The following RBMS3 variants were observed in gnomAD, a reference collection of about 807,000 sequenced individuals.
RBMS3 encodes RNA-binding motif, single-stranded-interacting protein 3.
RBMS3 carries 27 observed loss-of-function variants against 66.8 expected under a neutral mutation model. That is an observed-to-expected ratio of 0.40 (90% CI 0.30 to 0.56). The LOEUF (loss-of-function observed/expected upper bound fraction) is 0.56. Among genes scored for constraint, RBMS3 ranks in the 20% least tolerant of loss-of-function variants. RBMS3 has a pLI of 0.40. For missense variants in RBMS3, 513 were observed against 549.5 expected (o/e 0.93, Z 0.66); for synonymous variants, 188 against 183.0 (o/e 1.03, Z -0.22).
At chr3:29,632,173 A>G (rs1200707925) in intron 4 of RBMS3, among the ~76,000 whole-genome samples, 7 of 151,954 alleles carry the variant, frequency 4.6e-5, no homozygotes, top group Admixed American at 3.9e-4. Context: ...GAAAAATACT[A>G]TATTAACTAA....
At chr3:29,922,554 TAATG>T (rs752212548) in intron 10 of RBMS3, among the ~76,000 whole-genome samples, 11 of 151,070 alleles carry the variant, frequency 7.3e-5, no homozygotes, top group Non-Finnish European at 1.3e-4. Flanking sequence ...ATGGATGAAT[TAATG>T]AATATTCTTT....
intron 1 of RBMS3, among the ~76,000 whole-genome samples, chr3:29,370,860 T>C (rs985931523): frequency 6.6e-6 from 1 of 152,208 alleles, no homozygotes; most frequent in African/African-American, 2.4e-5. Context: ...GAATGCTGTT[T>C]ACTGATGTCT....
At chr3:29,876,390 G>C (rs2059612217) in intron 7 of RBMS3, among the ~76,000 whole-genome samples, 1 of 151,952 alleles carries the variant, frequency 6.6e-6, no homozygotes, top group Non-Finnish European at 1.5e-5. Context: ...GAAAAAAAAA[G>C]CTTCAAAATA....
intron 1 of RBMS3, among the ~76,000 whole-genome samples, chr3:29,408,011 G>A (rs1035719030): frequency 6.6e-6 from 1 of 152,070 alleles, no homozygotes; most frequent in Non-Finnish European, 1.5e-5. Context: ...GGTGACTCAC[G>A]CCTGTAATCC....
intron 3 of RBMS3, among the ~76,000 whole-genome samples, chr3:29,503,071 T>C (rs1229863263): frequency 1.3e-5 from 2 of 152,152 alleles, no homozygotes; most frequent in African/African-American, 4.8e-5. Flanking sequence ...TTGTGGAGAA[T>C]GTTTGGGGGT....
rs1699798431 is a variant in RBMS3 at position 30,006,224 on chromosome 3, A to C, written c.*2362A>C. ...CAGGGTAGGCTTTTTAAAAACTAAAAAGTTTTAAAGGTAAATCATATTCCC... is the reference window on the plus strand; with the variant it reads ...CAGGGTAGGCTTTTTAAAAACTAAACAGTTTTAAAGGTAAATCATATTCCC... On this transcript the variant is annotated 3_prime_UTR_variant, in exon 15 of 15. Coordinates refer to ENST00000383767, the MANE Select transcript of RBMS3 (RefSeq NM_001003793.3). 6.6e-6 allele frequency: 1 copy of C among 151,908 alleles called. No homozygotes were observed. Among genetic ancestry groups the C allele is most frequent in the African/African-American group, 2.4e-5 (1 of 41,416 alleles). The allele number at this position is 151,908 out of a possible 1,614,324, so 9.4% of individuals were successfully genotyped here.
chr3:29,780,048 T>C (rs2056573450), intron 6 of RBMS3, among the ~76,000 whole-genome samples: 1 of 151,838 alleles, frequency 6.6e-6, no homozygotes, highest in Non-Finnish European at 1.5e-5. Flanking sequence ...TGGAGAAGCA[T>C]CCATTTTTAC....
rs1575569181 is a variant in RBMS3 at position 29,336,727 on chromosome 3, A to G, written c.75+54971A>G. ...ATATTATTAGTCATTCTATAATGAAAAAACTGAAGCTTGCAAAGTTGAGCA... is the reference window on the plus strand; with the variant it reads ...ATATTATTAGTCATTCTATAATGAAGAAACTGAAGCTTGCAAAGTTGAGCA... On this transcript the variant is annotated intron_variant, in intron 1 of 14. Coordinates refer to ENST00000383767, the MANE Select transcript of RBMS3 (RefSeq NM_001003793.3). Among the ~76,000 whole-genome samples, 3 of 152,156 alleles carry G rather than the reference A, an allele frequency of 2.0e-5. No individual in the cohort carries two copies. In the East Asian group the frequency reaches 5.8e-4, roughly 29 times the overall value.
At chr3:29,582,130 A>G (rs75023277) in intron 3 of RBMS3, among the ~76,000 whole-genome samples, 1 of 151,372 alleles carries the variant, frequency 6.6e-6, no homozygotes, top group Non-Finnish European at 1.5e-5. Flanking sequence ...GGACACTACT[A>G]TTCTTTGTAG....
chr3:29,698,073 A>G (rs2052363063), intron 4 of RBMS3: 1 of 373,220 alleles, frequency 2.7e-6, no homozygotes, highest in Non-Finnish European at 3.7e-6. Context: ...GCAACACAAA[A>G]ATCTTCATAC....
chr3:29,428,797 C>A (rs1180577630), intron 1 of RBMS3, among the ~76,000 whole-genome samples: 2 of 152,160 alleles, frequency 1.3e-5, no homozygotes, highest in Non-Finnish European at 2.9e-5. Flanking sequence ...GACAAATGAA[C>A]CCACTTGTTT....
chr3:29,776,077 A>G (rs749071293), intron 6 of RBMS3, among the ~76,000 whole-genome samples: 94 of 152,010 alleles, frequency 6.2e-4, no homozygotes, highest in Non-Finnish European at 1.1e-3. Flanking sequence ...TGCTTACATC[A>G]TTTAACAGCC....
At chr3:29,737,033 G>C (rs1022526479) in intron 4 of RBMS3, among the ~76,000 whole-genome samples, 33 of 151,950 alleles carry the variant, frequency 2.2e-4, no homozygotes, top group Admixed American at 9.2e-4. Context: ...CTGGAGTGCA[G>C]TGGCATGATC....
chr3:29,788,086 A>T (rs2056881946), intron 6 of RBMS3, among the ~76,000 whole-genome samples: 1 of 152,120 alleles, frequency 6.6e-6, no homozygotes, highest in South Asian at 2.1e-4. Flanking sequence ...CCCTGTGTCC[A>T]GAGGCTGCTC....
intron 11 of RBMS3, among the ~76,000 whole-genome samples, chr3:29,937,279 A>G (rs114112079): frequency 1.2e-4 from 18 of 152,100 alleles, no homozygotes; most frequent in African/African-American, 4.1e-4. Flanking sequence ...CTGTATTTTT[A>G]AGCCTATATG....
chr3:29,290,631 A>C (rs543694193), intron 1 of RBMS3: 5 of 151,842 alleles, frequency 3.3e-5, no homozygotes, highest in African/African-American at 1.2e-4. Context: ...CCTTTTCTCA[A>C]TGTATTTCAA....
intron 3 of RBMS3, among the ~76,000 whole-genome samples, chr3:29,499,202 TA>T (rs2043872022): frequency 6.6e-6 from 1 of 152,202 alleles, no homozygotes; most frequent in Non-Finnish European, 1.5e-5. Context: ...CTTAGTTTTT[TA>T]AACTATGGTA....
At chr3:29,300,657 G>C (rs565616545) in intron 1 of RBMS3, among the ~76,000 whole-genome samples, 1 of 151,978 alleles carries the variant, frequency 6.6e-6, no homozygotes, top group African/African-American at 2.4e-5. Context: ...AAAGTTTTGC[G>C]TGAGTTTTGG....
chr3:29,383,364 A>G lies in RBMS3; in HGVS notation c.76-51379A>G, dbSNP rs72852319. On this transcript the variant is annotated intron_variant, in intron 1 of 14. Coordinates refer to ENST00000383767, the MANE Select transcript of RBMS3 (RefSeq NM_001003793.3). ...GCTGTCCTTTTTGATTTTGCCTCTG[A>G]TATTGAATGCAAATATTTTGGCTAT... is the stretch of plus-strand genomic sequence containing the variant. Among the ~76,000 whole-genome samples, 54 of 152,268 alleles carry G rather than the reference A, an allele frequency of 3.5e-4. 1 individual carries two copies. The highest frequency in any genetic ancestry group is 3.1e-3 in the Admixed American group (47 of 15,298).
Sources: allele counts gnomAD v4.1 joint callset (sites outside exome capture counted in the v4.1 genomes callset), GRCh38; gene constraint gnomAD v4.1.1; transcripts MANE v1.5; gene names NCBI Gene and HGNC (gene_info 2026-07-23, HGNC 2026-07-21).